NAPB: variants seen among roughly 807,000 people sequenced by gnomAD.
NAPB encodes the protein beta-soluble NSF attachment protein.
A neutral mutation model predicts 44.7 loss-of-function variants in NAPB; 26 were observed. That is an observed-to-expected ratio of 0.58 (90% confidence interval 0.43 to 0.81). The LOEUF is 0.81. NAPB is among the 30% of genes least tolerant of loss of function. The pLI is 0.00. For missense variants in NAPB, 315 were observed against 356.4 expected, an observed-to-expected ratio of 0.88 and a Z score of 0.94; for synonymous variants, 120 against 116.8, an observed-to-expected ratio of 1.03 and a Z score of -0.18.
intron 7 of NAPB, 100 bp downstream of exon 7, chr20:23,389,846 G>A (rs1169572015): frequency 1.2e-5 from 12 of 971,330 alleles, no homozygotes; most frequent in African/African-American, 1.6e-5. Flanking sequence ...TACTCATTAC[G>A]TGATGTGTGG....
intron 5 of NAPB, among the ~76,000 whole-genome samples, chr20:23,392,666 G>A (rs926338164): frequency 6.7e-5 from 10 of 150,304 alleles, no homozygotes; most frequent in Non-Finnish European, 1.5e-4. Flanking sequence ...TGAGGCACAC[G>A]CCACCATTCC....
intron 1 of NAPB, among the ~76,000 whole-genome samples, chr20:23,410,115 T>C (rs1985546092): frequency 6.6e-6 from 1 of 152,182 alleles, no homozygotes; most frequent in South Asian, 2.1e-4. Context: ...GGCAGCTCTA[T>C]GGAGGTTTGG....
At chr20:23,399,963 A>G (rs560699338) in intron 2 of NAPB, among the ~76,000 whole-genome samples, 1 of 152,134 alleles carries the variant, frequency 6.6e-6, no homozygotes, top group African/African-American at 2.4e-5. Context: ...TACAATCTAC[A>G]TCCTTGCTCT....
chr20:23,377,300 G>T lies in NAPB; in HGVS notation c.*76C>A. ...GCAACAAAATTAAGCCATTAAATAG[G>T]CATCCCATAAAGATCACTTGACCCT... On this transcript the variant is annotated 3_prime_UTR_variant, in exon 11 of 11. Transcript: ENST00000377026. 1.2e-6 allele frequency: 1 copy of T among 857,300 alleles called. No homozygotes were observed. The highest frequency in any genetic ancestry group is 2.7e-5 in the East Asian group (1 of 37,258). The allele number at this position is 857,300 out of a possible 1,614,324, so 53.1% of individuals were successfully genotyped here.
At chr20:23,384,340 T>C (rs1983294503) in intron 7 of NAPB, among the ~76,000 whole-genome samples, 1 of 152,058 alleles carries the variant, frequency 6.6e-6, no homozygotes, top group African/African-American at 2.4e-5. Flanking sequence ...GGTGGGCAGA[T>C]GACTTGAGCT....
chr20:23,388,670 T>C (rs1983711107), intron 7 of NAPB, among the ~76,000 whole-genome samples: 1 of 152,156 alleles, frequency 6.6e-6, no homozygotes, highest in Admixed American at 6.5e-5. Context: ...TATAGTTCTA[T>C]TCAACAATTA....
intron 5 of NAPB, among the ~76,000 whole-genome samples, chr20:23,391,613 G>C (rs918586661): frequency 4.6e-5 from 7 of 152,200 alleles, no homozygotes; most frequent in African/African-American, 1.7e-4. Flanking sequence ...TTTAGGTTTT[G>C]TGCATCTTTG....
intron 7 of NAPB, among the ~76,000 whole-genome samples, chr20:23,384,451 C>A (rs1385059968): frequency 6.6e-6 from 1 of 151,640 alleles, no homozygotes; most frequent in East Asian, 1.9e-4. Flanking sequence ...ATGGCAAAAC[C>A]CCATCGCTAC....
At chr20:23,414,947 T>A (rs1313799746) in intron 1 of NAPB, among the ~76,000 whole-genome samples, 5 of 150,538 alleles carry the variant, frequency 3.3e-5, no homozygotes, top group Non-Finnish European at 5.9e-5. Flanking sequence ...ATTAAAAAAA[T>A]TTTAAGTATA....
In NAPB at chr20:23,397,137, C is replaced by T. The variant is rs1424171373; in HGVS notation, c.230G>A (p.Ser77Asn). 1.2e-5 allele frequency: 20 copies of T among 1,613,586 alleles called. 1 individual carries two copies. The Admixed American group carries it at 3.3e-4, about 27-fold the overall frequency. The change falls in exon 3 of 11, where the codon AGC (serine) becomes AAC (asparagine). Residue 77 changes from serine (S) to asparagine (N), a missense_variant. Transcript: ENST00000377026. Reference sequence around the variant, plus strand: ...AAAGCTGGTAGCAGAGTCATGTTTGCTCTGAAGCTGCATGTGGAGCTTGGC... The same window carrying T: ...AAAGCTGGTAGCAGAGTCATGTTTGTTCTGAAGCTGCATGTGGAGCTTGGC... ...QAAKLHMQLQSKHDSATSFVD... is the reference protein window; with the variant it reads ...QAAKLHMQLQNKHDSATSFVD...
chr20:23,381,028 G>A, intron 8 of NAPB, 185 bp downstream of exon 8: 1 of 552,192 alleles, frequency 1.8e-6, no homozygotes. Flanking sequence ...GGTAACTTTT[G>A]AGAACAGCTT....
chr20:23,399,351 T>C (rs1984649802), intron 2 of NAPB, among the ~76,000 whole-genome samples: 1 of 151,992 alleles, frequency 6.6e-6, no homozygotes, highest in South Asian at 2.1e-4. Flanking sequence ...ATAAATGGGA[T>C]GAGTGCCCTT....
chr20:23,381,582 C>G (rs982425119), intron 7 of NAPB, among the ~76,000 whole-genome samples: 1 of 152,178 alleles, frequency 6.6e-6, no homozygotes, highest in Non-Finnish European at 1.5e-5. Flanking sequence ...AATCCTCCCA[C>G]TAAGCACTAC....
intron 1 of NAPB, among the ~76,000 whole-genome samples, chr20:23,413,981 T>C (rs1985835761): frequency 6.6e-6 from 1 of 151,966 alleles, no homozygotes; most frequent in Non-Finnish European, 1.5e-5. Flanking sequence ...AAAGTAAAGC[T>C]ATATACAAAT....
At chr20:23,389,856 G>T in intron 7 of NAPB, 90 bp downstream of exon 7, 1 of 1,122,178 alleles carries the variant, frequency 8.9e-7, no homozygotes, top group Non-Finnish European at 1.3e-6. Context: ...GTGATGTGTG[G>T]ATTATATCTC....
intron 1 of NAPB, among the ~76,000 whole-genome samples, chr20:23,405,001 G>C (rs1272173012): frequency 6.6e-6 from 1 of 152,178 alleles, no homozygotes; most frequent in African/African-American, 2.4e-5. Context: ...ACACACCCAA[G>C]AGAAATTAAA....
At chr20:23,420,799 G>A (rs1289420602) in intron 1 of NAPB, among the ~76,000 whole-genome samples, 1 of 125,030 alleles carries the variant, frequency 8.0e-6, no homozygotes. Context: ...GAGGGCGCGT[G>A]AGGCTGACAG....
Position 23,376,212 on chromosome 20 carries a change from T to C in NAPB, c.*1164A>G, listed in dbSNP as rs976951131. 9 of 152,178 alleles carry C rather than the reference T, an allele frequency of 5.9e-5. No individual in the cohort carries two copies. Among genetic ancestry groups the C allele is most frequent in the African/African-American group, 2.2e-4 (9 of 41,432 alleles). The allele number at this position is 152,178 out of a possible 1,614,324, so 9.4% of individuals were successfully genotyped here. A position where few individuals can be genotyped will look rare whatever the true frequency, so the allele number is the denominator to read the frequency against. ...GTATGTCTAAAGTACAATATCAGCA[T>C]ATAAATTAATAGGATCAAGTTCATG... On this transcript the variant is annotated 3_prime_UTR_variant, in exon 11 of 11. Coordinates refer to ENST00000377026, the MANE Select transcript of NAPB (RefSeq NM_022080.3).
intron 1 of NAPB, among the ~76,000 whole-genome samples, chr20:23,416,279 C>CA (rs1985998854): frequency 6.6e-6 from 1 of 152,128 alleles, no homozygotes; most frequent in East Asian, 1.9e-4. Context: ...GAGAAAACTG[C>CA]AAAAATGCAA....
Sources: gnomAD v4.1 joint callset for allele counts (sites outside exome capture counted in the v4.1 genomes callset) on GRCh38, gnomAD v4.1.1 for gene constraint, MANE v1.5 for transcripts, NCBI Gene and HGNC (gene_info 2026-07-23, HGNC 2026-07-21) for gene names.